The following SAP30BP variants were observed in gnomAD, a reference collection of about 807,000 sequenced individuals.
SAP30BP encodes SAP30 binding protein.
In SAP30BP, 31 loss-of-function variants were observed where a neutral mutation model predicts 46.3. The ratio of observed to expected loss-of-function variants is 0.67; its 90% CI spans 0.50 to 0.90. SAP30BP has a LOEUF of 0.90. SAP30BP is among the 40% of genes least tolerant of loss of function. The probability of loss-of-function intolerance (pLI) is 0.00; values close to 1 mark genes in which losing one functional copy is unlikely to be tolerated. For synonymous variants in SAP30BP, 169 were observed against 144.2 expected, an observed-to-expected ratio of 1.17 and a Z score of -1.23; for missense variants, 312 against 391.0, an observed-to-expected ratio of 0.80 and a Z score of 1.70.
chr17:75,696,879 A>G (rs2060329320), intron 4 of SAP30BP, among the ~76,000 whole-genome samples: 1 of 148,212 alleles, frequency 6.7e-6, no homozygotes, highest in East Asian at 2.0e-4. Flanking sequence ...CTGGGTTCAC[A>G]CCATTCTCCT....
At chr17:75,682,021 G>A (rs2060083426) in intron 3 of SAP30BP, among the ~76,000 whole-genome samples, 1 of 151,970 alleles carries the variant, frequency 6.6e-6, no homozygotes, top group Non-Finnish European at 1.5e-5. Flanking sequence ...AGCTCTCAGA[G>A]CTTAAGCTTG....
chr17:75,695,266 G>A (rs752625266), intron 4 of SAP30BP, among the ~76,000 whole-genome samples: 2 of 152,238 alleles, frequency 1.3e-5, no homozygotes, highest in Non-Finnish European at 2.9e-5. Flanking sequence ...ACGTGCCAGA[G>A]GCACTCTCCC....
chr17:75,682,707 T>G (rs2060096621), intron 3 of SAP30BP, among the ~76,000 whole-genome samples: 1 of 151,998 alleles, frequency 6.6e-6, no homozygotes, highest in Admixed American at 6.6e-5. Context: ...CTCATGCCTG[T>G]AATCCCAGCA....
rs1236957169 is a variant in SAP30BP at position 75,707,350 on chromosome 17, G to A, written c.*829G>A. ...GCTCCTGCCACCCCACCCTTCCTCT[G>A]TGTGTTATCTCTGCCCCACAGCAGC... is the stretch of plus-strand genomic sequence containing the variant. On this transcript the variant is annotated 3_prime_UTR_variant, in exon 11 of 11. Coordinates refer to ENST00000584667, the MANE Select transcript of SAP30BP (RefSeq NM_013260.8). 2.0e-5 allele frequency: 3 copies of A among 152,726 alleles called. No homozygotes were observed. Among genetic ancestry groups the A allele is most frequent in the African/African-American group, 7.2e-5 (3 of 41,468 alleles). The allele number at this position is 152,726 out of a possible 1,614,324, so 9.5% of individuals were successfully genotyped here. A position where few individuals can be genotyped will look rare whatever the true frequency, so the allele number is the denominator to read the frequency against.
At chr17:75,689,003 G>A (rs1036958754) in intron 3 of SAP30BP, among the ~76,000 whole-genome samples, 59 of 152,122 alleles carry the variant, frequency 3.9e-4, no homozygotes, top group Non-Finnish European at 1.6e-4. Context: ...GTCTCAGGTG[G>A]GGTCTGGGTG....
At chr17:75,704,941 G>C in intron 9 of SAP30BP, 127 bp downstream of exon 9, 1 of 750,858 alleles carries the variant, frequency 1.3e-6, no homozygotes, top group Admixed American at 2.0e-5. Flanking sequence ...GCGATGCTCT[G>C]AGCCTCTCAG....
At position 75,682,749 on chromosome 17, in the gene SAP30BP, G is replaced by A. The variant is rs534055014; in HGVS notation, c.265-10691G>A. The stretch of plus-strand genomic sequence containing the variant: ...GAGGCCAAGGCGGGCGAATCACGAG[G>A]TCAGGATATCAAGACCATCCTGGCC... On this transcript the variant is annotated intron_variant, in intron 3 of 10. Transcript: ENST00000584667. 2.6e-3 allele frequency among the ~76,000 whole-genome samples: 393 copies of A among 151,572 alleles called. 6 individuals are homozygous for A. The highest frequency in any genetic ancestry group is 9.3e-3 in the African/African-American group (383 of 41,372).
intron 3 of SAP30BP, among the ~76,000 whole-genome samples, chr17:75,680,554 G>A (rs376919292): frequency 2.0e-5 from 3 of 152,154 alleles, no homozygotes; most frequent in South Asian, 2.1e-4. Context: ...TTGTGACTGC[G>A]GCGTGAGAGA....
chr17:75,691,438 C>G (rs1293319763), intron 3 of SAP30BP: 8 of 456,542 alleles, frequency 1.8e-5, no homozygotes, highest in Non-Finnish European at 3.5e-5. Context: ...GCACACACAC[C>G]CCACACTCCT....
chr17:75,703,722 C>T (rs1248312845), intron 7 of SAP30BP, 86 bp from the exon 8 acceptor site: 2 of 1,250,532 alleles, frequency 1.6e-6, no homozygotes, highest in East Asian at 2.3e-5. Flanking sequence ...GGACCCCAGA[C>T]CAAGAAGCTC....
At chr17:75,682,073 A>G (rs2060084367) in intron 3 of SAP30BP, among the ~76,000 whole-genome samples, 1 of 152,110 alleles carries the variant, frequency 6.6e-6, no homozygotes, top group African/African-American at 2.4e-5. Context: ...TTATAAAAAT[A>G]TAAAATGTTT....
chr17:75,699,264 C>T (rs1437167572), intron 4 of SAP30BP, among the ~76,000 whole-genome samples: 1 of 152,080 alleles, frequency 6.6e-6, no homozygotes, highest in Non-Finnish European at 1.5e-5. Flanking sequence ...AGTATAGTGG[C>T]GTGATCTTGG....
intron 4 of SAP30BP, among the ~76,000 whole-genome samples, chr17:75,698,604 T>C (rs898648802): frequency 4.1e-5 from 6 of 147,584 alleles, no homozygotes; most frequent in Non-Finnish European, 9.1e-5. Context: ...TACAGACATA[T>C]GCAGTGGTGG....
intron 6 of SAP30BP, chr17:75,702,985 T>G: frequency 2.6e-6 from 1 of 390,446 alleles, no homozygotes; most frequent in Non-Finnish European, 4.7e-6. Flanking sequence ...CTGGTCTTCC[T>G]CCATTGAATG....
intron 4 of SAP30BP, among the ~76,000 whole-genome samples, chr17:75,693,907 A>G (rs571725749): frequency 6.9e-4 from 105 of 152,296 alleles, no homozygotes; most frequent in Non-Finnish European, 1.3e-3. Context: ...AGGCAGGAAC[A>G]TGCCTCACAG....
At chr17:75,674,645 T>G (rs1417808314) in intron 3 of SAP30BP, among the ~76,000 whole-genome samples, 3 of 151,696 alleles carry the variant, frequency 2.0e-5, no homozygotes, top group East Asian at 3.9e-4. Context: ...TTCAAAACCC[T>G]TAATTTTGGA....
intron 5 of SAP30BP, 51 bp from the exon 6 acceptor site, chr17:75,702,429 G>A: frequency 1.3e-6 from 1 of 754,746 alleles, no homozygotes; most frequent in Non-Finnish European, 2.3e-6. Context: ...GGACGGTGGA[G>A]GGGTGGGCTT....
chr17:75,678,426 A>G (rs1228780027), intron 3 of SAP30BP, among the ~76,000 whole-genome samples: 3 of 151,598 alleles, frequency 2.0e-5, no homozygotes, highest in African/African-American at 7.3e-5. Context: ...AATGACAAGC[A>G]AAAAAGTCTG....
chr17:75,681,732 G>A (rs2060079028), intron 3 of SAP30BP, among the ~76,000 whole-genome samples: 1 of 152,206 alleles, frequency 6.6e-6, no homozygotes, highest in Non-Finnish European at 1.5e-5. Context: ...TTGCTGCAGA[G>A]CACAAGTGTT....
Sources: allele counts gnomAD v4.1 joint callset (sites outside exome capture counted in the v4.1 genomes callset), GRCh38; gene constraint gnomAD v4.1.1; transcripts MANE v1.5; gene names NCBI Gene and HGNC (gene_info 2026-07-23, HGNC 2026-07-21).